Variants in MEGF10 observed in about 807,000 individuals in gnomAD.
The protein encoded by MEGF10 is multiple EGF like domains 10.
MEGF10 carries 86 observed loss-of-function variants against 147.5 expected under a neutral mutation model. That is an observed-to-expected ratio of 0.58 (90% CI 0.49 to 0.70). The LOEUF is 0.70. MEGF10 is among the 30% of genes least tolerant of loss of function. MEGF10 has a pLI of 0.00. For missense variants in MEGF10, 1,329 were observed against 1,487.3 expected (o/e 0.89, Z 1.75); for synonymous variants, 478 against 525.5 (o/e 0.91, Z 1.24).
intron 15 of MEGF10, 143 bp from the exon 16 acceptor site, chr5:127,435,218 A>G: frequency 1.0e-6 from 1 of 982,180 alleles, no homozygotes; most frequent in Non-Finnish European, 1.5e-6. Context: ...GAGCCCATTC[A>G]AGATGAAGGA....
chr5:127,246,985 A>AATATAT, the MEGF10 span, among the ~76,000 whole-genome samples: 480 of 104,172 alleles, frequency 4.6e-3, 11 homozygotes, highest in East Asian at 8.9e-3. Context: ...GTATAAAAAG[A>AATATAT]ATATATATAT....
intron 7 of MEGF10, among the ~76,000 whole-genome samples, chr5:127,399,878 A>T (rs1764061000): frequency 6.6e-6 from 1 of 152,154 alleles, no homozygotes; most frequent in African/African-American, 2.4e-5. Flanking sequence ...ATCCAGACCC[A>T]TAGCTTTAAG....
chr5:127,381,916 C>CTGCCT, intron 5 of MEGF10, among the ~76,000 whole-genome samples: 1 of 152,320 alleles, frequency 6.6e-6, no homozygotes. Context: ...AATGATCCAC[C>CTGCCT]CACCTTGGCC....
intron 5 of MEGF10, among the ~76,000 whole-genome samples, chr5:127,391,100 GCGCA>G (rs879887933): frequency 0.068 from 2,721 of 39,886 alleles, 40 homozygotes; most frequent in Admixed American, 0.18. Flanking sequence ...GCGCGCGCGC[GCGCA>G]CACACACACA....
rs199718339 is a variant in MEGF10, at chr5:127,339,174, C to T, written c.171C>T (p.Tyr57=). The change falls in exon 3 of 25, where the codon TAC becomes TAT. Residue 57 remains tyrosine, a synonymous_variant. Coordinates refer to ENST00000503335, the MANE Select transcript of MEGF10 (RefSeq NM_001256545.2). ...CACATCCCTTTGATCAAATTTACTA[C>T]ACGAGCTGCACTGACATTCTAAACT... The part of the protein sequence containing the change: ...SYPHPFDQIY[Y]TSCTDILNWF... 5 of 1,612,516 alleles carry T rather than the reference C, an allele frequency of 3.1e-6. No individual in the cohort carries two copies. The Admixed American group carries it at 6.7e-5, about 22-fold the overall frequency.
chr5:127,273,398 A>G, the MEGF10 span, among the ~76,000 whole-genome samples: 1 of 152,170 alleles, frequency 6.6e-6, no homozygotes, highest in Non-Finnish European at 1.5e-5. Flanking sequence ...CATCAGTCCC[A>G]ATGTGAGTAC....
At chr5:127,377,680 T>C (rs1763085308) in intron 5 of MEGF10, among the ~76,000 whole-genome samples, 1 of 152,162 alleles carries the variant, frequency 6.6e-6, no homozygotes, top group South Asian at 2.1e-4. Flanking sequence ...TGAAGGATAT[T>C]ATGAGCCAGA....
chr5:127,325,840 T>C lies in MEGF10; in HGVS notation c.-18-5451T>C, dbSNP rs893796310. ...ACAGATTTGAGAGTATATATATATA[T>C]ATACATATATGTGTGTATATATATA... On this transcript the variant is annotated intron_variant, in intron 1 of 24. Coordinates refer to ENST00000503335, the MANE Select transcript of MEGF10 (RefSeq NM_001256545.2). 2.3e-5 allele frequency among the ~76,000 whole-genome samples: 3 copies of C among 133,058 alleles called. No homozygotes were observed. The East Asian group carries it at 5.9e-4, about 26-fold the overall frequency. The allele number at this position is 133,058 out of a possible 152,430, so 87.3% of individuals were successfully genotyped here.
chr5:127,297,060 G>C (rs950742017), intron 1 of MEGF10, among the ~76,000 whole-genome samples: 5 of 152,108 alleles, frequency 3.3e-5, no homozygotes, highest in Non-Finnish European at 5.9e-5. Context: ...TCCGCCTCTG[G>C]GGTTCAAGTG....
At chr5:127,235,168 G>A in the MEGF10 span, among the ~76,000 whole-genome samples, 2 of 152,194 alleles carry the variant, frequency 1.3e-5, no homozygotes, top group South Asian at 4.1e-4. Flanking sequence ...ATCTTTATGA[G>A]CCAGTTATTG....
intron 4 of MEGF10, among the ~76,000 whole-genome samples, chr5:127,342,583 A>G (rs1456082803): frequency 6.6e-6 from 1 of 152,222 alleles, no homozygotes; most frequent in African/African-American, 2.4e-5. Context: ...GACAGCTTCA[A>G]TGTTTCCTGG....
At chr5:127,409,402 C>T (rs1318612374) in intron 8 of MEGF10, among the ~76,000 whole-genome samples, 2 of 152,232 alleles carry the variant, frequency 1.3e-5, no homozygotes, top group African/African-American at 4.8e-5. Flanking sequence ...AAAGCCCTGT[C>T]TCCTTCCCTT....
intron 20 of MEGF10, among the ~76,000 whole-genome samples, chr5:127,446,944 G>A (rs1353990782): frequency 2.6e-5 from 4 of 152,132 alleles, no homozygotes; most frequent in Admixed American, 6.5e-5. Context: ...AGTCAGCAAA[G>A]GCCTGCTTGA....
At chr5:127,401,744 G>C (rs528136947) in intron 7 of MEGF10, among the ~76,000 whole-genome samples, 1 of 152,274 alleles carries the variant, frequency 6.6e-6, no homozygotes, top group East Asian at 1.9e-4. Flanking sequence ...GAAAACAAGA[G>C]TATTTCATTG....
intron 1 of MEGF10, among the ~76,000 whole-genome samples, chr5:127,318,123 T>TGCCTTGC (rs1760637794): frequency 6.6e-6 from 1 of 152,224 alleles, no homozygotes; most frequent in African/African-American, 2.4e-5. Flanking sequence ...CTCAGAGTGC[T>TGCCTTGC]GCCTTGCGCC....
In MEGF10 at chr5:127,440,615, T is replaced by C. The variant is rs60681812; in HGVS notation, c.2234-124T>C. On this transcript the variant is annotated intron_variant, in intron 17 of 24. Transcript: ENST00000503335. ...TTGTGGCAAGCTCAGATATGTACTA[T>C]TCACTGTATTCTCTGATGGCTCAGT... 39,550 of 973,696 alleles carry C rather than the reference T, an allele frequency of 0.041. 2,668 individuals carry two copies. Among genetic ancestry groups the C allele is most frequent in the African/African-American group, 0.26 (16,025 of 61,288 alleles). The allele number at this position is 973,696 out of a possible 1,614,324, so 60.3% of individuals were successfully genotyped here. A position where few individuals can be genotyped will look rare whatever the true frequency, so the allele number is the denominator to read the frequency against.
the MEGF10 span, among the ~76,000 whole-genome samples, chr5:127,267,983 G>T: frequency 1.3e-5 from 2 of 151,960 alleles, no homozygotes; most frequent in Non-Finnish European, 2.9e-5. Context: ...GTTTGCTCTT[G>T]CTTCTCTAGT....
chr5:127,268,842 G>A, the MEGF10 span, among the ~76,000 whole-genome samples: 429 of 152,360 alleles, frequency 2.8e-3, no homozygotes, highest in Non-Finnish European at 4.5e-3. Context: ...ACCCCCAAGT[G>A]GGGGCAGACT....
intron 8 of MEGF10, among the ~76,000 whole-genome samples, chr5:127,405,399 C>A (rs1764285126): frequency 6.6e-6 from 1 of 152,042 alleles, no homozygotes; most frequent in Non-Finnish European, 1.5e-5. Context: ...TTTAAAATTT[C>A]ATTTCTGCCT....
Sources: allele counts gnomAD v4.1 joint callset (sites outside exome capture counted in the v4.1 genomes callset), GRCh38; gene constraint gnomAD v4.1.1; transcripts MANE v1.5; gene names NCBI Gene and HGNC (gene_info 2026-07-23, HGNC 2026-07-21).